BHLHE40: variants seen among roughly 807,000 people sequenced by gnomAD.
The protein encoded by BHLHE40 is basic helix-loop-helix family member e40.
In BHLHE40, 3 loss-of-function variants were observed where a neutral mutation model predicts 35.7. The ratio of observed to expected loss-of-function variants is 0.08; its 90% CI spans 0.04 to 0.22. The LOEUF (loss-of-function observed/expected upper bound fraction) is 0.22, where lower values mean the gene tolerates loss of function less well. Ranked by LOEUF, BHLHE40 falls within the 10% of genes least tolerant of loss-of-function variation. The pLI is 1.00. For synonymous variants in BHLHE40, 236 were observed against 213.0 expected (o/e 1.11, Z -0.94); for missense variants, 486 against 524.0 (o/e 0.93, Z 0.71).
chr3:4,979,991 A>G lies in BHLHE40; in HGVS notation c.110A>G (p.Tyr37Cys). ...TACCCTGCCCACATGTACCAAGTGT[A>G]CAAGTCAAGACGGGGAATAAAGCGG... is the stretch of plus-strand genomic sequence containing the variant. ...GMYPAHMYQV[Y>C]KSRRGIKRSE... Residue 37 changes from tyrosine (Y) to cysteine (C), a missense_variant, in exon 2 of 5, where the codon TAC becomes TGC. Tyr to Cys is a radical substitution (Grantham distance 194, BLOSUM62 -2). This residue lies in a region of BHLHE40 where 87 missense variants were observed against 66.7 expected (regional missense o/e 1.30). Transcript: ENST00000256495. 1.2e-6 allele frequency: 2 copies of G among 1,614,162 alleles called. No homozygotes were observed. The highest frequency in any genetic ancestry group is 1.7e-6 in the Non-Finnish European group (2 of 1,180,018).
intron 3 of BHLHE40, among the ~76,000 whole-genome samples, chr3:4,980,980 G>T (rs1210033539): frequency 6.6e-6 from 1 of 151,740 alleles, no homozygotes; most frequent in East Asian, 1.9e-4. Context: ...GCTGCCAGAC[G>T]TAATAGAGGT....
rs2053222132 is a variant in BHLHE40 at position 4,983,723 on chromosome 3, C to G, written c.*31C>G. 1 of 1,551,060 alleles carries G rather than the reference C, an allele frequency of 6.4e-7. No individual in the cohort carries two copies. The highest frequency in any genetic ancestry group is 1.4e-5 in the African/African-American group (1 of 72,440). On this transcript the variant is annotated 3_prime_UTR_variant, in exon 5 of 5. Coordinates refer to ENST00000256495, the MANE Select transcript of BHLHE40 (RefSeq NM_003670.3). This position sits in a 1 kb window ranked among gnomAD's most constrained non-coding sequence, Gnocchi z 5.0. ...CTAGGGGATCCTGCTGCTTTGCTTT[C>G]CTTCCTCGCTACTTCCTAAAAAGCA...
At chr3:4,980,503 C>G (rs2053182929) in intron 3 of BHLHE40, 95 bp downstream of exon 3, 1 of 1,023,266 alleles carries the variant, frequency 9.8e-7, no homozygotes, top group South Asian at 1.4e-5. Context: ...AACTGCAGAC[C>G]AGACTGGCGG....
chr3:4,982,720 C>A, intron 4 of BHLHE40, 116 bp from the exon 5 acceptor site: 1 of 1,254,144 alleles, frequency 8.0e-7, no homozygotes, highest in South Asian at 1.4e-5. Flanking sequence ...GAACACAAAT[C>A]AGTAAATGCA....
intron 3 of BHLHE40, among the ~76,000 whole-genome samples, chr3:4,981,048 A>G (rs867016334): frequency 2.6e-5 from 4 of 152,066 alleles, no homozygotes; most frequent in South Asian, 4.2e-4. Context: ...CCCTGAGTTA[A>G]GGTCGGCAGA....
rs755711001 is a variant in BHLHE40, at chr3:4,983,530, C to T, written c.1077C>T (p.Ala359=). 4 of 1,614,046 alleles carry T rather than the reference C, an allele frequency of 2.5e-6. No homozygotes were observed. The highest frequency in any genetic ancestry group is 3.3e-5 in the Admixed American group (2 of 60,002). Residue 359 remains alanine (A), a synonymous_variant, in exon 5 of 5, where the codon GCC becomes GCT. Coordinates refer to ENST00000256495, the MANE Select transcript of BHLHE40 (RefSeq NM_003670.3). The surrounding 1 kb of genome is among the most constrained non-coding windows in gnomAD (Gnocchi z 5.0). ...PVLYPGLNAS[A]AALSSFMNPD... Reference sequence around the variant, plus strand: ...TATACCCAGGCCTCAACGCCTCTGCCGCAGCCCTCTCTAGCTTCATGAACC... The same window carrying T: ...TATACCCAGGCCTCAACGCCTCTGCTGCAGCCCTCTCTAGCTTCATGAACC...
At position 4,983,370 on chromosome 3, in the gene BHLHE40, T is replaced by C. The variant is rs1227556710; in HGVS notation, c.917T>C (p.Leu306Pro). The C allele has an allele frequency of 1.2e-6, 2 of 1,614,232 alleles. No homozygotes were observed. The highest frequency in any genetic ancestry group is 1.7e-6 in the Non-Finnish European group (2 of 1,180,044). The change falls in exon 5 of 5, where the codon CTG becomes CCG. Residue 306 changes from leucine (L) to proline (P), a missense_variant. Physicochemically the swap from Leu to Pro is moderately conservative, Grantham distance 98 (BLOSUM62 -3). Coordinates refer to ENST00000256495, the MANE Select transcript of BHLHE40 (RefSeq NM_003670.3). This position sits in a 1 kb window ranked among gnomAD's most constrained non-coding sequence, Gnocchi z 5.0. ...DDEGHFTSSD[L>P]ISSPFLGPHP... ...GAAGGCCATTTCACTAGCAGTGACC[T>C]GATCAGCTCCCCGTTCCTGGGCCCA...
chr3:4,980,464 G>T (rs1201941767), intron 3 of BHLHE40, 56 bp downstream of exon 3: 2 of 1,451,608 alleles, frequency 1.4e-6, no homozygotes, highest in East Asian at 4.6e-5. Flanking sequence ...GGGCGGGCGG[G>T]TCACTCGCCG....
At chr3:4,981,660 A>G in intron 4 of BHLHE40, 145 bp downstream of exon 4, 4 of 1,125,232 alleles carry the variant, frequency 3.6e-6, no homozygotes, top group Non-Finnish European at 5.0e-6. Context: ...ATCTTTCCTA[A>G]AAGGTCAGAC....
At position 4,980,357 on chromosome 3, in the gene BHLHE40, C is replaced by T; in HGVS notation, c.207C>T (p.Asn69=). The change falls in exon 3 of 5, where the codon AAC becomes AAT. Residue 69 remains asparagine, a synonymous_variant. Coordinates refer to ENST00000256495, the MANE Select transcript of BHLHE40 (RefSeq NM_003670.3). ...LIEKKRRDRI[N]ECIAQLKDLL... ...AGAAAAAGAGACGTGACCGGATTAA[C>T]GAGTGCATCGCCCAGCTGAAGGATC... 2 of 1,614,128 alleles carry T rather than the reference C, an allele frequency of 1.2e-6. No homozygotes were observed. The highest frequency in any genetic ancestry group is 1.7e-6 in the Non-Finnish European group (2 of 1,180,012).
In BHLHE40 at chr3:4,979,792, T is replaced by C; in HGVS notation, c.74T>C (p.Leu25Pro). ...PKAPGLEHGD[L>P]PGMYPAHMYQ... Reference sequence around the variant, plus strand: ...GCACCGGGACTGGAGCACGGAGACCTACCAGGGTAAGTTGGCACTCCTTGG... The same window carrying C: ...GCACCGGGACTGGAGCACGGAGACCCACCAGGGTAAGTTGGCACTCCTTGG... The change falls in exon 1 of 5, where the codon CTA becomes CCA. Residue 25 changes from leucine to proline, a missense_variant. By Grantham distance (98) the Leu-to-Pro change is moderately conservative (BLOSUM62 -3). Around this residue, in one of 5 missense-constraint regions of BHLHE40, gnomAD observed 87 missense variants for 66.7 expected, o/e 1.30. Coordinates refer to ENST00000256495, the MANE Select transcript of BHLHE40 (RefSeq NM_003670.3). 6.3e-7 allele frequency: 1 copy of C among 1,589,794 alleles called. No homozygotes were observed. Among genetic ancestry groups the C allele is most frequent in the Non-Finnish European group, 8.6e-7 (1 of 1,168,026 alleles).
At position 4,980,648 on chromosome 3, in the gene BHLHE40, C is replaced by G. The variant is rs181706040; in HGVS notation, c.258+240C>G. Reference sequence around the variant, plus strand: ...TCCAACACCAACTGGCCTTCCTTTTCAGGAGTTTAACTTCTGGTGATTTTC... The same window carrying G: ...TCCAACACCAACTGGCCTTCCTTTTGAGGAGTTTAACTTCTGGTGATTTTC... On this transcript the variant is annotated intron_variant, in intron 3 of 4. Coordinates refer to ENST00000256495, the MANE Select transcript of BHLHE40 (RefSeq NM_003670.3). Among the ~76,000 whole-genome samples the G allele has an allele frequency of 2.8e-3, 419 of 152,314 alleles. 2 individuals carry two copies. Among genetic ancestry groups the G allele is most frequent in the Admixed American group, 6.0e-3 (92 of 15,302 alleles).
In BHLHE40 at chr3:4,983,382, C is replaced by A. The variant is rs138378123; in HGVS notation, c.929C>A (p.Pro310Gln). 3.1e-6 allele frequency: 5 copies of A among 1,614,166 alleles called. No homozygotes were observed. Among genetic ancestry groups the A allele is most frequent in the Non-Finnish European group, 4.2e-6 (5 of 1,180,036 alleles). Residue 310 changes from proline to glutamine, a missense_variant, in exon 5 of 5, where the codon CCG becomes CAG. Physicochemically the swap from Pro to Gln is moderately conservative, Grantham distance 76. This residue lies in a region of BHLHE40 where 206 missense variants were observed against 208.9 expected (regional missense o/e 0.99). Coordinates refer to ENST00000256495, the MANE Select transcript of BHLHE40 (RefSeq NM_003670.3). This position sits in a 1 kb window ranked among gnomAD's most constrained non-coding sequence, Gnocchi z 5.0. The stretch of plus-strand genomic sequence containing the variant: ...ACTAGCAGTGACCTGATCAGCTCCC[C>A]GTTCCTGGGCCCACACCCACACCAG... ...HFTSSDLISS[P>Q]FLGPHPHQPP... is the part of the protein sequence containing the mutation.
chr3:4,980,030 A>G lies in BHLHE40; in HGVS notation c.149A>G (p.Lys50Arg). 6.2e-7 allele frequency: 1 copy of G among 1,614,122 alleles called. No individual in the cohort carries two copies. The highest frequency in any genetic ancestry group is 1.3e-5 in the African/African-American group (1 of 75,042). The change falls in exon 2 of 5, where the codon AAG (lysine) becomes AGG (arginine). Residue 50 changes from lysine (K) to arginine (R), a missense_variant and splice_region_variant. Lys to Arg is a conservative substitution (Grantham distance 26, BLOSUM62 2). This residue lies in a region of BHLHE40 where 87 missense variants were observed against 66.7 expected (regional missense o/e 1.30). Transcript: ENST00000256495. ...GGAATAAAGCGGAGCGAGGACAGCA[A>G]GGTAAGCAAGTGCACCCCTAGGGAC... ...RRGIKRSEDS[K>R]ETYKLPHRLI...
chr3:4,979,619 C>A lies in BHLHE40; in HGVS notation c.-100C>A. The A allele has an allele frequency of 8.1e-7, 1 of 1,227,556 alleles. No individual in the cohort carries two copies. The highest frequency in any genetic ancestry group is 1.4e-5 in the South Asian group (1 of 71,876). The allele number at this position is 1,227,556 out of a possible 1,614,324, so 76.0% of individuals were successfully genotyped here. ...TTCAAAGAGCTCAGACTCAGAGGAA[C>A]ATCTGCGGAGAGACCCCCGAAGCCC... On this transcript the variant is annotated 5_prime_UTR_variant, in exon 1 of 5. Coordinates refer to ENST00000256495, the MANE Select transcript of BHLHE40 (RefSeq NM_003670.3).
chr3:4,980,548 T>G (rs1575513659), intron 3 of BHLHE40, 140 bp downstream of exon 3: 1 of 641,576 alleles, frequency 1.6e-6, no homozygotes, highest in East Asian at 2.9e-5. Flanking sequence ...GGTGGGGTCC[T>G]CCTCCACAGT....
chr3:4,983,102 A>G lies in BHLHE40; in HGVS notation c.649A>G (p.Lys217Glu), dbSNP rs753864471. Residue 217 changes from lysine (K) to glutamate (E), a missense_variant, in exon 5 of 5, where the codon AAA (lysine) becomes GAA (glutamate). This residue lies in a region of BHLHE40 where 176 missense variants were observed against 180.5 expected (regional missense o/e 0.98). Transcript: ENST00000256495. The surrounding 1 kb of genome is among the most constrained non-coding windows in gnomAD (Gnocchi z 5.0). Reference sequence around the variant, plus strand: ...GGCCAAAGGTTCGGAAGGTCCTGGGAAAAACTGCGTGCCAGTCATCCAGCG... The same window carrying G: ...GGCCAAAGGTTCGGAAGGTCCTGGGGAAAACTGCGTGCCAGTCATCCAGCG... ...SPAKGSEGPGKNCVPVIQRTF... is the reference protein window; with the variant it reads ...SPAKGSEGPGENCVPVIQRTF... 1.1e-5 allele frequency: 18 copies of G among 1,614,026 alleles called. No individual in the cohort carries two copies. The Admixed American group carries it at 2.7e-4, about 24-fold the overall frequency.
intron 1 of BHLHE40, 33 bp from the exon 2 acceptor site, chr3:4,979,918 CGTGCGCAAGCA>C (rs1559236047): frequency 6.2e-7 from 1 of 1,611,146 alleles, no homozygotes; most frequent in Admixed American, 1.7e-5. Flanking sequence ...CGCCTGCAGC[CGTGCGCAAGCA>C]GTCACGACCC....
rs768667009 is a variant in BHLHE40 at position 4,981,538 on chromosome 3, C to G, written c.382+23C>G. The G allele has an allele frequency of 5.0e-6, 8 of 1,612,332 alleles. No homozygotes were observed. The East Asian group carries it at 1.8e-4, about 36-fold the overall frequency. ...CTGGTGAGTGCTGATTCTGGCTATG[C>G]TCTCTTTAAGAGTTTGAGTGCAAAT... On this transcript the variant is annotated intron_variant, in intron 4 of 4. Coordinates refer to ENST00000256495, the MANE Select transcript of BHLHE40 (RefSeq NM_003670.3).
Sources: allele counts gnomAD v4.1 joint callset (sites outside exome capture counted in the v4.1 genomes callset), GRCh38; gene constraint gnomAD v4.1.1; regional missense constraint gnomAD v4.1.1; non-coding constraint Gnocchi (gnomAD v3.1); transcripts MANE v1.5; gene names NCBI Gene and HGNC (gene_info 2026-07-23, HGNC 2026-07-21).